The following SCN1A variants were observed in gnomAD, a reference collection of about 807,000 sequenced individuals.
The protein encoded by SCN1A is sodium voltage-gated channel alpha subunit 1, also known as sodium channel protein type 1 subunit alpha.
SCN1A carries 13 observed loss-of-function variants against 193.7 expected under a neutral mutation model. The ratio of observed to expected loss-of-function variants is 0.07; its 90% CI spans 0.04 to 0.11. The LOEUF (loss-of-function observed/expected upper bound fraction) is 0.11. Ranked by LOEUF, SCN1A falls within the 10% of genes least tolerant of loss-of-function variation. The pLI is 1.00. For missense variants in SCN1A, 1,432 were observed against 2,451.1 expected (o/e 0.58, Z 8.78); for synonymous variants, 781 against 843.6 (o/e 0.93, Z 1.29).
At chr2:166,096,270 G>A (rs1687363180) in intron 2 of SCN1A, among the ~76,000 whole-genome samples, 1 of 152,062 alleles carries the variant, frequency 6.6e-6, no homozygotes, top group East Asian at 1.9e-4. Context: ...TGGAAATCAG[G>A]GATGAAAAAT....
At chr2:166,142,729 G>A (rs867045694) in intron 1 of SCN1A, among the ~76,000 whole-genome samples, 6 of 152,136 alleles carry the variant, frequency 3.9e-5, no homozygotes, top group Admixed American at 2.0e-4. Context: ...TGGTTTGGCC[G>A]TGTCCCCACC....
Position 165,991,387 on chromosome 2 carries a change from C to T in SCN1A, c.5888G>A (p.Arg1963Lys). Residue 1963 changes from arginine to lysine, a missense_variant, in exon 29 of 29, where the codon AGA (arginine) becomes AAA (lysine). Physicochemically the swap from Arg to Lys is conservative, Grantham distance 26. Coordinates refer to ENST00000674923, the MANE Select transcript of SCN1A (RefSeq NM_001165963.4). ...LLIKEDMIIDRINENSITEKT... is the reference protein window; with the variant it reads ...LLIKEDMIIDKINENSITEKT... ...TTCTGTAATAGAGTTTTCATTTATT[C>T]TGTCAATTATCATGTCTTCTTTTAT... 2 of 1,613,532 alleles carry T rather than the reference C, an allele frequency of 1.2e-6. No individual in the cohort carries two copies. The highest frequency in any genetic ancestry group is 8.5e-7 in the Non-Finnish European group (1 of 1,179,768).
At chr2:166,094,625 C>T (rs1687175695) in intron 2 of SCN1A, among the ~76,000 whole-genome samples, 1 of 152,166 alleles carries the variant, frequency 6.6e-6, no homozygotes, top group South Asian at 2.1e-4. Flanking sequence ...CCAGAAAGTT[C>T]TATTCAGTTG....
chr2:166,023,879 G>A (rs1290246891), intron 19 of SCN1A, among the ~76,000 whole-genome samples: 4 of 151,696 alleles, frequency 2.6e-5, no homozygotes, highest in South Asian at 2.1e-4. Flanking sequence ...GGGCTCAAGC[G>A]ATTCCCCTGC....
chr2:166,085,651 C>G (rs540873876), intron 2 of SCN1A, among the ~76,000 whole-genome samples: 2 of 152,170 alleles, frequency 1.3e-5, no homozygotes, highest in South Asian at 4.2e-4. Flanking sequence ...GAGTGTTGAG[C>G]ACAAATTAAC....
chr2:166,100,115 C>G (rs1203783074), intron 2 of SCN1A, among the ~76,000 whole-genome samples: 1 of 136,952 alleles, frequency 7.3e-6, no homozygotes, highest in Non-Finnish European at 1.6e-5. Context: ...TCAAACTATA[C>G]TACAAGGCTA....
At chr2:166,111,875 A>G (rs1246602298) in intron 2 of SCN1A, among the ~76,000 whole-genome samples, 1 of 152,156 alleles carries the variant, frequency 6.6e-6, no homozygotes, top group Non-Finnish European at 1.5e-5. Flanking sequence ...GAGAACTAGA[A>G]TTAGAATGCA....
intron 5 of SCN1A, 97 bp downstream of exon 5, chr2:166,058,473 A>G (rs1175540542): frequency 2.8e-6 from 2 of 716,410 alleles, no homozygotes; most frequent in South Asian, 1.8e-5. Context: ...TGAAAACTAT[A>G]TAATATGGAC....
At chr2:166,121,404 T>C (rs149924660) in intron 2 of SCN1A, among the ~76,000 whole-genome samples, 72 of 152,340 alleles carry the variant, frequency 4.7e-4, no homozygotes, top group African/African-American at 1.7e-3. Flanking sequence ...CAATTCCCCA[T>C]GAATTCCTAA....
intron 1 of SCN1A, among the ~76,000 whole-genome samples, chr2:166,147,161 G>A (rs931895674): frequency 6.6e-6 from 1 of 152,126 alleles, no homozygotes; most frequent in Non-Finnish European, 1.5e-5. Context: ...AGGTAGTACT[G>A]ATGTTGCTGG....
rs545136666 is a variant in SCN1A, at chr2:166,049,663, T to C, written c.965-714A>G. Among the ~76,000 whole-genome samples, 852 of 152,128 alleles carry C rather than the reference T, an allele frequency of 5.6e-3. 9 individuals are homozygous for C. Among genetic ancestry groups the C allele is most frequent in the African/African-American group, 0.02 (812 of 41,554 alleles). On this transcript the variant is annotated intron_variant, in intron 9 of 28. Transcript: ENST00000674923. ...AATGTCCAGTTCTTCTATAACTTTT[T>C]CCTTGGTATTTTCAACTTTCTTTCT...
chr2:166,008,644 G>A (rs1574033851), intron 23 of SCN1A, among the ~76,000 whole-genome samples: 2 of 151,010 alleles, frequency 1.3e-5, no homozygotes, highest in East Asian at 3.9e-4. Context: ...TAGGGAAATC[G>A]AAGACAAGTC....
At chr2:166,102,973 C>T (rs777010284) in intron 2 of SCN1A, among the ~76,000 whole-genome samples, 6 of 151,984 alleles carry the variant, frequency 3.9e-5, no homozygotes, top group South Asian at 2.1e-4. Flanking sequence ...GGATAATGCA[C>T]AACTTTTGTA....
At chr2:166,038,556 A>T (rs6732655) in intron 17 of SCN1A, among the ~76,000 whole-genome samples, 112,023 of 151,826 alleles carry the variant, frequency 0.74, 41,717 homozygotes, top group East Asian at 0.89. Flanking sequence ...CAGGCTGGTC[A>T]CGAACTCCTG....
At chr2:166,093,087 A>AGAGT (rs1166332817) in intron 2 of SCN1A, among the ~76,000 whole-genome samples, 1 of 152,004 alleles carries the variant, frequency 6.6e-6, no homozygotes, top group Non-Finnish European at 1.5e-5. Context: ...AAATGAAGTA[A>AGAGT]GAGTGAGTGA....
At chr2:166,077,068 A>G (rs938007263) in intron 3 of SCN1A, 1 of 151,766 alleles carries the variant, frequency 6.6e-6, no homozygotes, top group Non-Finnish European at 1.5e-5. Flanking sequence ...AGTGCTATAT[A>G]TTTGTTTTTG....
intron 2 of SCN1A, among the ~76,000 whole-genome samples, chr2:166,117,934 G>A (rs1690047000): frequency 6.6e-6 from 1 of 150,790 alleles, no homozygotes; most frequent in Admixed American, 6.6e-5. Context: ...TTGCACTCCA[G>A]CCTGGGCAAT....
At chr2:166,019,634 A>C (rs1352197838) in intron 19 of SCN1A, among the ~76,000 whole-genome samples, 2 of 152,084 alleles carry the variant, frequency 1.3e-5, no homozygotes, top group African/African-American at 4.8e-5. Flanking sequence ...ATTCCTATGA[A>C]ATTTCTGTTT....
At position 166,056,452 on chromosome 2, in the gene SCN1A, A is replaced by G; in HGVS notation, c.432T>C (p.Phe144=). 1 of 1,608,556 alleles carries G rather than the reference A, an allele frequency of 6.2e-7. No individual in the cohort carries two copies. Among genetic ancestry groups the G allele is most frequent in the Non-Finnish European group, 8.5e-7 (1 of 1,175,094 alleles). Residue 144 remains phenylalanine, a synonymous_variant, in exon 6 of 29, where the codon TTT becomes TTC. Coordinates refer to ENST00000674923, the MANE Select transcript of SCN1A (RefSeq NM_001165963.4). ...IMCTILTNCV[F]MTMSNPPDWT... The stretch of plus-strand genomic sequence containing the variant: ...AATCAGGAGGGTTACTCATTGTCAT[A>G]AACACACAGTTTGTCAAAATAGTGC...
Sources: gnomAD v4.1 joint callset for allele counts (sites outside exome capture counted in the v4.1 genomes callset) on GRCh38, gnomAD v4.1.1 for gene constraint, MANE v1.5 for transcripts, NCBI Gene and HGNC (gene_info 2026-07-23, HGNC 2026-07-21) for gene names.